The following MALRD1 variants were observed in gnomAD, a reference collection of about 807,000 sequenced individuals.
MALRD1 encodes the protein MAM and LDL receptor class A domain containing 1.
A neutral mutation model predicts 242.1 loss-of-function variants in MALRD1; 247 were observed. The observed-to-expected ratio is 1.02, with a 90% CI of 0.92 to 1.13. The LOEUF is 1.13. Ranked by LOEUF, MALRD1 falls within the 50% of genes most tolerant of loss-of-function variation. The pLI is 0.00. For missense variants in MALRD1, 2,989 were observed against 2,533.1 expected (o/e 1.18, Z -3.86); for synonymous variants, 995 against 866.6 (o/e 1.15, Z -2.60).
intron 38 of MALRD1, among the ~76,000 whole-genome samples, chr10:19,717,278 A>G (rs1220190838): frequency 6.6e-6 from 1 of 152,226 alleles, no homozygotes; most frequent in Non-Finnish European, 1.5e-5. Flanking sequence ...CTTTATATGC[A>G]TATTTCACAG....
intron 33 of MALRD1, among the ~76,000 whole-genome samples, chr10:19,571,529 T>G (rs374005786): frequency 1.3e-5 from 2 of 152,176 alleles, no homozygotes; most frequent in East Asian, 1.9e-4. Flanking sequence ...AGGTCAAATT[T>G]TGAGACATTC....
chr10:19,327,620 G>T lies in MALRD1; in HGVS notation c.3634G>T (p.Gly1212Cys). 6.5e-7 allele frequency: 1 copy of T among 1,549,948 alleles called. No individual in the cohort carries two copies. The highest frequency in any genetic ancestry group is 1.2e-5 in the South Asian group (1 of 84,038). Residue 1212 changes from glycine to cysteine, a missense_variant, in exon 23 of 40, where the codon GGT (glycine) becomes TGT (cysteine). Gly to Cys is a radical substitution (Grantham distance 159, BLOSUM62 -3). Transcript: ENST00000454679. ...SKLWAQTGQQ[G>C]AQWKRAEVFL... ...ATTGTGGGCTCAAACTGGACAGCAA[G>T]GTGCACAGTGGAAGAGAGCAGAAGT...
chr10:19,179,856 A>G lies in MALRD1; in HGVS notation c.1951+4528A>G, dbSNP rs147826573. On this transcript the variant is annotated intron_variant, in intron 14 of 39. Coordinates refer to ENST00000454679, the MANE Select transcript of MALRD1 (RefSeq NM_001142308.3). ...AACTATAGATCCTGCCTAGTTCTATATATTTTTCCACCTTTAAGAGTCTCC... is the reference window on the plus strand; with the variant it reads ...AACTATAGATCCTGCCTAGTTCTATGTATTTTTCCACCTTTAAGAGTCTCC... 2.8e-3 allele frequency among the ~76,000 whole-genome samples: 422 copies of G among 152,238 alleles called. 2 individuals are homozygous for G. The highest frequency in any genetic ancestry group is 9.7e-3 in the African/African-American group (404 of 41,560).
intron 21 of MALRD1, among the ~76,000 whole-genome samples, chr10:19,316,049 T>A (rs1842692364): frequency 6.7e-6 from 1 of 149,816 alleles, no homozygotes; most frequent in African/African-American, 2.5e-5. Context: ...CTCCTTTATA[T>A]TGGTACTATT....
chr10:19,303,395 G>C (rs1842033621), intron 21 of MALRD1, among the ~76,000 whole-genome samples: 2 of 151,506 alleles, frequency 1.3e-5, no homozygotes, highest in African/African-American at 4.8e-5. Context: ...ATAAATATTT[G>C]GCAGTGATCA....
chr10:19,123,282 C>G (rs1462874152), intron 5 of MALRD1, among the ~76,000 whole-genome samples: 3 of 150,720 alleles, frequency 2.0e-5, no homozygotes, highest in Non-Finnish European at 4.4e-5. Context: ...CTGTTTTTCT[C>G]TGTCTCTATT....
intron 36 of MALRD1, among the ~76,000 whole-genome samples, chr10:19,669,894 A>G (rs1418662136): frequency 6.6e-6 from 1 of 152,192 alleles, no homozygotes; most frequent in Non-Finnish European, 1.5e-5. Flanking sequence ...ACAATAAAAT[A>G]AAGAACCTCA....
chr10:19,676,914 G>C (rs964299364), intron 36 of MALRD1, among the ~76,000 whole-genome samples: 2 of 152,134 alleles, frequency 1.3e-5, no homozygotes, highest in African/African-American at 4.8e-5. Flanking sequence ...AGAACATTCA[G>C]TGTTTGGTTT....
At chr10:19,568,890 C>T (rs964350844) in intron 33 of MALRD1, among the ~76,000 whole-genome samples, 1 of 152,016 alleles carries the variant, frequency 6.6e-6, no homozygotes, top group African/African-American at 2.4e-5. Context: ...ATGGGCTAAG[C>T]ATTTTGCACA....
At chr10:19,694,539 G>C (rs1289871543) in intron 38 of MALRD1, among the ~76,000 whole-genome samples, 3 of 152,180 alleles carry the variant, frequency 2.0e-5, no homozygotes, top group Non-Finnish European at 4.4e-5. Flanking sequence ...TCTCACACCA[G>C]TTAGAATGGC....
chr10:19,574,306 C>T (rs2131483668), intron 33 of MALRD1, among the ~76,000 whole-genome samples: 1 of 152,190 alleles, frequency 6.6e-6, no homozygotes, highest in Middle Eastern at 3.4e-3. Flanking sequence ...TGGATGAGTT[C>T]CTGTTATGCA....
chr10:19,141,477 G>A (rs1207314004), intron 10 of MALRD1, among the ~76,000 whole-genome samples: 1 of 152,026 alleles, frequency 6.6e-6, no homozygotes, highest in Admixed American at 6.6e-5. Context: ...GTACGACAAT[G>A]GGAATGTACC....
At chr10:19,479,263 G>A (rs1159368460) in intron 29 of MALRD1, among the ~76,000 whole-genome samples, 1 of 152,158 alleles carries the variant, frequency 6.6e-6, no homozygotes, top group African/African-American at 2.4e-5. Flanking sequence ...CCATTGTATA[G>A]CATTTCAATA....
At chr10:19,645,321 G>A (rs892778929) in intron 36 of MALRD1, among the ~76,000 whole-genome samples, 10 of 152,328 alleles carry the variant, frequency 6.6e-5, no homozygotes, top group African/African-American at 2.2e-4. Flanking sequence ...TCAGTGTGGT[G>A]ATTCCTCAGG....
intron 36 of MALRD1, among the ~76,000 whole-genome samples, chr10:19,635,856 C>A (rs1840104517): frequency 6.6e-6 from 1 of 151,818 alleles, no homozygotes; most frequent in Non-Finnish European, 1.5e-5. Context: ...TGCAGGAAAA[C>A]AAGGAAAATA....
chr10:19,470,782 A>T (rs1361729216), intron 29 of MALRD1, among the ~76,000 whole-genome samples: 4 of 151,246 alleles, frequency 2.6e-5, no homozygotes, highest in Non-Finnish European at 5.9e-5. Context: ...GTTAATTATT[A>T]TTTTTTTTCT....
Position 19,539,857 on chromosome 10 carries a change from CGTGTGTGTGTGTGT to C in MALRD1, c.5478+8534_5478+8547del, listed in dbSNP as rs368123598. On this transcript the variant is annotated intron_variant, in intron 32 of 39. Coordinates refer to ENST00000454679, the MANE Select transcript of MALRD1 (RefSeq NM_001142308.3). Reference sequence around the variant, plus strand: ...ATGCGCCACCACACCCAGCTTTGTGCGTGTGTGTGTGTGTGTGTGTGTGTGTGTGTGTGTGTGTG... The same window carrying C: ...ATGCGCCACCACACCCAGCTTTGTGCGTGTGTGTGTGTGTGTGTGTGTGTG... Among the ~76,000 whole-genome samples the C allele has an allele frequency of 1.1e-3, 144 of 127,014 alleles. 2 individuals are homozygous for C. In the Middle Eastern group the frequency reaches 0.021, roughly 19 times the overall value. 83.3% of individuals were successfully genotyped at this position (127,014 alleles called of 152,430 possible).
intron 38 of MALRD1, among the ~76,000 whole-genome samples, chr10:19,725,284 G>A (rs1423097341): frequency 6.6e-6 from 1 of 152,136 alleles, no homozygotes. Flanking sequence ...CCCTCATGCT[G>A]CTATTCTCAG....
intron 18 of MALRD1, among the ~76,000 whole-genome samples, chr10:19,222,366 C>T (rs948329419): frequency 6.6e-6 from 1 of 152,114 alleles, no homozygotes; most frequent in African/African-American, 2.4e-5. Flanking sequence ...GCTCTCCAGC[C>T]GAGGGACGCT....
Sources: allele counts gnomAD v4.1 joint callset (sites outside exome capture counted in the v4.1 genomes callset), GRCh38; gene constraint gnomAD v4.1.1; transcripts MANE v1.5; gene names NCBI Gene and HGNC (gene_info 2026-07-23, HGNC 2026-07-21).